Variants in GABRG3 observed in about 807,000 individuals in gnomAD.
GABRG3 encodes the protein gamma-aminobutyric acid receptor subunit gamma-3.
Under a neutral mutation model 48.8 loss-of-function variants are expected in GABRG3, and 25 were observed. That is an observed-to-expected ratio of 0.51 (90% CI 0.37 to 0.72). The LOEUF (loss-of-function observed/expected upper bound fraction) is 0.72, where lower values mean the gene tolerates loss of function less well. Ranked by LOEUF, GABRG3 falls within the 30% of genes least tolerant of loss-of-function variation. The pLI is 0.00. For synonymous variants in GABRG3, 227 were observed against 217.6 expected, an observed-to-expected ratio of 1.04 and a Z score of -0.38; for missense variants, 394 against 577.9, an observed-to-expected ratio of 0.68 and a Z score of 3.26.
intron 3 of GABRG3, among the ~76,000 whole-genome samples, chr15:27,088,206 G>A (rs528491627): frequency 6.9e-6 from 1 of 145,098 alleles, no homozygotes; most frequent in East Asian, 2.1e-4. Context: ...GCGGGCTCAC[G>A]TTTGTTAGAT....
chr15:27,228,904 T>G lies in GABRG3; in HGVS notation c.271-97905T>G, dbSNP rs143086761. Among the ~76,000 whole-genome samples, 71 of 152,362 alleles carry G rather than the reference T, an allele frequency of 4.7e-4. No individual in the cohort carries two copies. In the East Asian group the frequency reaches 6.2e-3, roughly 13 times the overall value. On this transcript the variant is annotated intron_variant, in intron 3 of 9. Coordinates refer to ENST00000615808, the MANE Select transcript of GABRG3 (RefSeq NM_033223.5). ...TTCATGTCCTTTGCCCACTTTTTAA[T>G]GGGGTTTTTTGTTTTTCTCTTGTAA...
chr15:27,219,019 C>T (rs1485690076), intron 3 of GABRG3, among the ~76,000 whole-genome samples: 6 of 152,162 alleles, frequency 3.9e-5, no homozygotes, highest in Admixed American at 2.0e-4. Flanking sequence ...GGCAAGCATT[C>T]TCTCCACCAA....
At chr15:27,187,744 A>T (rs1319472616) in intron 3 of GABRG3, among the ~76,000 whole-genome samples, 1 of 151,916 alleles carries the variant, frequency 6.6e-6, no homozygotes, top group Non-Finnish European at 1.5e-5. Flanking sequence ...TTATTATTAT[A>T]CTTTTAAGTT....
rs1391829654 is a variant in GABRG3 at position 27,537,698 on chromosome 15, G to A, written c.*4817G>A. 1.3e-4 allele frequency: 20 copies of A among 151,822 alleles called. No individual in the cohort carries two copies. The highest frequency in any genetic ancestry group is 1.2e-3 in the Admixed American group (19 of 15,236). The allele number at this position is 151,822 out of a possible 1,614,324, so 9.4% of individuals were successfully genotyped here. ...ATAGTTTTGAAGACTAGATATTAGG[G>A]CATTTTCTTTCCTCCTTTTAAAATT... On this transcript the variant is annotated 3_prime_UTR_variant, in exon 10 of 10. Transcript: ENST00000615808.
chr15:27,140,262 C>T (rs996787895), intron 3 of GABRG3, among the ~76,000 whole-genome samples: 3 of 152,058 alleles, frequency 2.0e-5, no homozygotes, highest in Non-Finnish European at 4.4e-5. Context: ...GAGACTGAGC[C>T]CTCAACCCGT....
intron 3 of GABRG3, among the ~76,000 whole-genome samples, chr15:27,299,685 C>T (rs563861393): frequency 6.6e-6 from 1 of 152,252 alleles, no homozygotes; most frequent in Non-Finnish European, 1.5e-5. Context: ...AGCCCAGAAA[C>T]ACGAAACTCT....
intron 6 of GABRG3, among the ~76,000 whole-genome samples, chr15:27,504,420 A>C (rs1890715575): frequency 6.6e-6 from 1 of 152,160 alleles, no homozygotes; most frequent in South Asian, 2.1e-4. Flanking sequence ...TATTGTATAC[A>C]TCTTGAACTT....
At chr15:27,271,310 T>G (rs1891078147) in intron 3 of GABRG3, among the ~76,000 whole-genome samples, 1 of 152,218 alleles carries the variant, frequency 6.6e-6, no homozygotes, top group Non-Finnish European at 1.5e-5. Flanking sequence ...GAGGTGTGTG[T>G]GGCTCTTCCA....
chr15:27,054,954 T>C (rs936229636), intron 3 of GABRG3, among the ~76,000 whole-genome samples: 1 of 150,668 alleles, frequency 6.6e-6, no homozygotes, highest in African/African-American at 2.4e-5. Context: ...GCGTCAAACC[T>C]GAGAGTGAAA....
At chr15:27,072,129 G>A (rs1476732440) in intron 3 of GABRG3, among the ~76,000 whole-genome samples, 1 of 152,202 alleles carries the variant, frequency 6.6e-6, no homozygotes, top group East Asian at 1.9e-4. Flanking sequence ...CGTAATGACA[G>A]CTTCCTTCTG....
chr15:27,240,401 C>G (rs1269948454), intron 3 of GABRG3, among the ~76,000 whole-genome samples: 1 of 152,114 alleles, frequency 6.6e-6, no homozygotes. Context: ...AGTGAGGCAT[C>G]ATATCGATTT....
chr15:27,336,726 A>G (rs1306919988), intron 5 of GABRG3, among the ~76,000 whole-genome samples: 1 of 152,244 alleles, frequency 6.6e-6, no homozygotes, highest in East Asian at 1.9e-4. Flanking sequence ...TATTCATAGT[A>G]GCACTATTCT....
chr15:27,201,838 G>A (rs1208261651), intron 3 of GABRG3, among the ~76,000 whole-genome samples: 1 of 152,150 alleles, frequency 6.6e-6, no homozygotes, highest in Admixed American at 6.6e-5. Context: ...TTCTTAAAAT[G>A]ATACAGAATA....
chr15:27,455,438 G>A (rs577022666), intron 5 of GABRG3, among the ~76,000 whole-genome samples: 36 of 149,596 alleles, frequency 2.4e-4, no homozygotes, highest in African/African-American at 8.1e-4. Context: ...TATGTGCATG[G>A]TATGTATGCC....
At chr15:27,136,610 A>G (rs985921614) in intron 3 of GABRG3, among the ~76,000 whole-genome samples, 2 of 152,194 alleles carry the variant, frequency 1.3e-5, no homozygotes, top group Admixed American at 6.5e-5. Flanking sequence ...TAATGTGATC[A>G]TAGGGCAGCT....
At chr15:27,266,052 A>G (rs1023821845) in intron 3 of GABRG3, among the ~76,000 whole-genome samples, 3 of 151,334 alleles carry the variant, frequency 2.0e-5, no homozygotes. Flanking sequence ...GGCTAATTTT[A>G]TATTTTTAGA....
intron 2 of GABRG3, among the ~76,000 whole-genome samples, chr15:27,002,761 A>AAAAAGAAAGG (rs1555397361): frequency 7.3e-5 from 3 of 41,370 alleles, no homozygotes; most frequent in Non-Finnish European, 1.7e-4. Context: ...AAAAAAAAAA[A>AAAAAGAAAGG]AAGGAAGGAA....
At chr15:27,486,130 G>T (rs1278025009) in intron 6 of GABRG3, among the ~76,000 whole-genome samples, 1 of 152,170 alleles carries the variant, frequency 6.6e-6, no homozygotes, top group East Asian at 1.9e-4. Context: ...AAACTGAGGG[G>T]TGCTCGGGTC....
At chr15:27,208,166 T>G (rs755247515) in intron 3 of GABRG3, 9 of 163,186 alleles carry the variant, frequency 5.5e-5, no homozygotes, top group Non-Finnish European at 9.6e-5. Flanking sequence ...TTGGGGCTGA[T>G]CTCACAGTTC....
Sources: allele counts gnomAD v4.1 joint callset (sites outside exome capture counted in the v4.1 genomes callset), GRCh38; gene constraint gnomAD v4.1.1; transcripts MANE v1.5; gene names NCBI Gene and HGNC (gene_info 2026-07-23, HGNC 2026-07-21).